The following SLC35D4 variants were observed in gnomAD, a reference collection of about 807,000 sequenced individuals.
The protein encoded by SLC35D4 is solute carrier family 35 member D4.
At chr18:23,437,909 C>T in the SLC35D4 span, 3 of 1,551,216 alleles carry the variant, frequency 1.9e-6, no homozygotes, top group Non-Finnish European at 2.6e-6. Context: ...CCCCTGGCCG[C>T]CGCCCGACCC....
chr18:23,366,587 G>C, the SLC35D4 span, among the ~76,000 whole-genome samples: 1 of 152,178 alleles, frequency 6.6e-6, no homozygotes, highest in Non-Finnish European at 1.5e-5. Context: ...CCCCTCAGTG[G>C]CTCTAAAGTA....
chr18:23,256,393 A>G, the SLC35D4 span, among the ~76,000 whole-genome samples: 3 of 152,252 alleles, frequency 2.0e-5, no homozygotes, highest in Non-Finnish European at 2.9e-5. Context: ...AGATCCTTGT[A>G]AGATGAAAGG....
the SLC35D4 span, among the ~76,000 whole-genome samples, chr18:23,311,029 G>A: frequency 2.0e-5 from 3 of 151,928 alleles, no homozygotes; most frequent in Non-Finnish European, 4.4e-5. Flanking sequence ...ACTAGTGGTG[G>A]CTTTTTCTCA....
chr18:23,251,823 C>T, the SLC35D4 span, among the ~76,000 whole-genome samples: 5 of 152,162 alleles, frequency 3.3e-5, no homozygotes, highest in Middle Eastern at 6.8e-3. Flanking sequence ...CGGTGGCTCA[C>T]GCCTGTAATC....
chr18:23,351,426 A>C, the SLC35D4 span, among the ~76,000 whole-genome samples: 1 of 4,664 alleles, frequency 2.1e-4, no homozygotes, highest in Non-Finnish European at 0.01. Context: ...CAAAACAAAA[A>C]CAAAAACAAA....
At chr18:23,434,590 A>G in the SLC35D4 span, among the ~76,000 whole-genome samples, 1 of 152,154 alleles carries the variant, frequency 6.6e-6, no homozygotes, top group Non-Finnish European at 1.5e-5. Context: ...CAGGAGTTAA[A>G]AACTAGCCTG....
chr18:23,310,501 G>C, the SLC35D4 span, among the ~76,000 whole-genome samples: 1 of 152,216 alleles, frequency 6.6e-6, no homozygotes, highest in South Asian at 2.1e-4. Context: ...TCTGCTTAAG[G>C]AAAGATGTTT....
chr18:23,346,292 C>T, the SLC35D4 span, among the ~76,000 whole-genome samples: 22 of 152,224 alleles, frequency 1.4e-4, no homozygotes, highest in East Asian at 4.2e-3. Flanking sequence ...TGCCACCATG[C>T]CAGACTACTT....
the SLC35D4 span, among the ~76,000 whole-genome samples, chr18:23,342,821 T>C: frequency 6.6e-6 from 1 of 152,274 alleles, no homozygotes; most frequent in Admixed American, 6.5e-5. Context: ...TGACTAGTGA[T>C]GCCAAACACC....
chr18:23,390,190 C>A, the SLC35D4 span, among the ~76,000 whole-genome samples: 1 of 152,268 alleles, frequency 6.6e-6, no homozygotes, highest in South Asian at 2.1e-4. Context: ...TTCTGGTTCT[C>A]TTTTTTACCT....
the SLC35D4 span, chr18:23,298,042 C>T: frequency 6.2e-7 from 1 of 1,613,862 alleles, no homozygotes; most frequent in Non-Finnish European, 8.5e-7. Context: ...ACCAGCAAGG[C>T]CTCTCCAAGC....
the SLC35D4 span, among the ~76,000 whole-genome samples, chr18:23,295,310 G>A: frequency 6.6e-6 from 1 of 151,558 alleles, no homozygotes; most frequent in Non-Finnish European, 1.5e-5. Flanking sequence ...AAACCACCAC[G>A]GCACACATTT....
chr18:23,337,499 T>G, the SLC35D4 span, among the ~76,000 whole-genome samples: 1 of 152,054 alleles, frequency 6.6e-6, no homozygotes, highest in Admixed American at 6.6e-5. Flanking sequence ...ATTACATTAT[T>G]TAGAAGTCAT....
At chr18:23,311,493 T>C in the SLC35D4 span, among the ~76,000 whole-genome samples, 1 of 152,176 alleles carries the variant, frequency 6.6e-6, no homozygotes, top group Non-Finnish European at 1.5e-5. Context: ...TGCAATTGTC[T>C]GGTCTTGGAA....
At chr18:23,319,243 GCTTT>G in the SLC35D4 span, among the ~76,000 whole-genome samples, 1 of 139,784 alleles carries the variant, frequency 7.2e-6, no homozygotes, top group East Asian at 2.0e-4. Flanking sequence ...TTATTTCAGT[GCTTT>G]ATTTATTTAT....
At chr18:23,262,807 TC>T in the SLC35D4 span, among the ~76,000 whole-genome samples, 1 of 152,186 alleles carries the variant, frequency 6.6e-6, no homozygotes, top group African/African-American at 2.4e-5. Flanking sequence ...AATTGTCTGG[TC>T]CCAAAAGTGA....
the SLC35D4 span, among the ~76,000 whole-genome samples, chr18:23,320,667 C>T: frequency 1.3e-5 from 2 of 152,216 alleles, no homozygotes; most frequent in Non-Finnish European, 2.9e-5. Context: ...GATTTACTGA[C>T]TCAGGAATAG....
At chr18:23,346,701 T>C in the SLC35D4 span, among the ~76,000 whole-genome samples, 2 of 152,196 alleles carry the variant, frequency 1.3e-5, no homozygotes, top group East Asian at 3.8e-4. Context: ...GGTTCTCTTA[T>C]ATTACTAGTT....
chr18:23,431,153 C>CAAAAAAAAAAAAAAAAAAAAAAAAAAAA, the SLC35D4 span, among the ~76,000 whole-genome samples: 1 of 66,238 alleles, frequency 1.5e-5, no homozygotes, highest in Non-Finnish European at 2.7e-5. Context: ...GAGTATATCT[C>CAAAAAAAAAAAAAAAAAAAAAAAAAAAA]AAAAAAAAAA....
Sources: gnomAD v4.1 joint callset for allele counts (sites outside exome capture counted in the v4.1 genomes callset) on GRCh38, gnomAD v4.1.1 for gene constraint, MANE v1.5 for transcripts, NCBI Gene and HGNC (gene_info 2026-07-23, HGNC 2026-07-21) for gene names.